Variants in CCDC180 observed in about 807,000 individuals in gnomAD.
The protein encoded by CCDC180 is coiled-coil domain containing 180.
Under a neutral mutation model 209.2 loss-of-function variants are expected in CCDC180, and 154 were observed. The observed-to-expected ratio is 0.74, with a 90% CI of 0.65 to 0.84. The LOEUF (loss-of-function observed/expected upper bound fraction) is 0.84, where lower values mean the gene tolerates loss of function less well. Ranked by LOEUF, CCDC180 falls within the 40% of genes least tolerant of loss-of-function variation. The pLI is 0.00. For synonymous variants in CCDC180, 778 were observed against 749.1 expected (o/e 1.04, Z -0.63); for missense variants, 1,874 against 1,997.3 (o/e 0.94, Z 1.18).
In CCDC180 at chr9:97,371,640, A is replaced by G. The variant is rs761387378; in HGVS notation, c.4534A>G (p.Thr1512Ala). The change falls in exon 34 of 37, where the codon ACC becomes GCC. Residue 1512 changes from threonine to alanine, a missense_variant. By Grantham distance (58) the Thr-to-Ala change is moderately conservative. Transcript: ENST00000529487. Reference sequence around the variant, plus strand: ...CCAGGTTTTCATAACCAACTTGGCCACCTTCACCGAGAAGTTCCTACTGCA... The same window carrying G: ...CCAGGTTTTCATAACCAACTTGGCCGCCTTCACCGAGAAGTTCCTACTGCA... The part of the protein sequence containing the change: ...NGQVFITNLA[T>A]FTEKFLLQLD... The G allele has an allele frequency of 6.2e-7, 1 of 1,608,624 alleles. No individual in the cohort carries two copies. Among genetic ancestry groups the G allele is most frequent in the Non-Finnish European group, 8.5e-7 (1 of 1,175,546 alleles).
Position 97,376,930 on chromosome 9 carries a change from C to T in CCDC180, c.*36C>T, listed in dbSNP as rs1225416380. Reference sequence around the variant, plus strand: ...CACCATGAATAAACACTTTCTTATACAGACTCCTTCCCTGTCCATCTACCT... The same window carrying T: ...CACCATGAATAAACACTTTCTTATATAGACTCCTTCCCTGTCCATCTACCT... On this transcript the variant is annotated 3_prime_UTR_variant, in exon 37 of 37. Transcript: ENST00000529487. 1.9e-6 allele frequency: 3 copies of T among 1,591,444 alleles called. No individual in the cohort carries two copies. The highest frequency in any genetic ancestry group is 8.5e-7 in the Non-Finnish European group (1 of 1,170,742).
Position 97,361,917 on chromosome 9 carries a change from C to T in CCDC180, c.3656+19C>T, listed in dbSNP as rs573637246. 6.2e-7 allele frequency: 1 copy of T among 1,610,078 alleles called. No homozygotes were observed. The highest frequency in any genetic ancestry group is 1.1e-5 in the South Asian group (1 of 90,746). On this transcript the variant is annotated intron_variant, in intron 27 of 36. Coordinates refer to ENST00000529487, the MANE Select transcript of CCDC180 (RefSeq NM_020893.6). Reference sequence around the variant, plus strand: ...TCCTGCAGTGAGTGGCCCCAGGGTGCACCTAAGGCTCTGCCACCCCTGCCC... The same window carrying T: ...TCCTGCAGTGAGTGGCCCCAGGGTGTACCTAAGGCTCTGCCACCCCTGCCC...
rs3052473 is a variant in CCDC180 at position 97,352,114 on chromosome 9, A to AAACAACAACAAC, written c.3002+1580_3002+1591dup. Among the ~76,000 whole-genome samples, 115 of 150,530 alleles carry AAACAACAACAAC rather than the reference A, an allele frequency of 7.6e-4. 2 individuals are homozygous for AAACAACAACAAC. Among genetic ancestry groups the AAACAACAACAAC allele is most frequent in the South Asian group, 5.3e-3 (25 of 4,726 alleles). On this transcript the variant is annotated intron_variant, in intron 22 of 36. Coordinates refer to ENST00000529487, the MANE Select transcript of CCDC180 (RefSeq NM_020893.6). ...GGAGACAGAGTGAGATTCCATCTCA[A>AAACAACAACAAC]AACAACAACAACAACAACAACAACA...
At chr9:97,338,261 C>G (rs576152945) in intron 18 of CCDC180, among the ~76,000 whole-genome samples, 41 of 152,288 alleles carry the variant, frequency 2.7e-4, no homozygotes, top group African/African-American at 9.4e-4. Flanking sequence ...GTTAGGGTGT[C>G]AATTTTAGAT....
chr9:97,371,907 G>T, intron 34 of CCDC180: 1 of 421,846 alleles, frequency 2.4e-6, no homozygotes, highest in Non-Finnish European at 4.3e-6. Flanking sequence ...TATAAAAAAT[G>T]AAACCCTATT....
intron 14 of CCDC180, 145 bp from the exon 15 acceptor site, chr9:97,326,409 G>A (rs1372895348): frequency 3.1e-6 from 2 of 653,502 alleles, no homozygotes; most frequent in African/African-American, 1.8e-5. Context: ...GTGGCAGATT[G>A]GGTACCCCAT....
At chr9:97,363,758 G>C (rs985396353) in intron 28 of CCDC180, 2 of 526,264 alleles carry the variant, frequency 3.8e-6, no homozygotes, top group South Asian at 2.1e-5. Context: ...TCCTCATCAC[G>C]GGGAAGCAGG....
chr9:97,325,246 A>G (rs1338024358), intron 14 of CCDC180, 54 bp downstream of exon 14: 18 of 1,514,528 alleles, frequency 1.2e-5, no homozygotes, highest in Non-Finnish European at 1.4e-5. Context: ...CAATGAACTC[A>G]AACAGATCCT....
chr9:97,309,436 C>T lies in CCDC180; in HGVS notation c.92C>T (p.Ala31Val), dbSNP rs774886818. 27 of 1,600,478 alleles carry T rather than the reference C, an allele frequency of 1.7e-5. 1 individual carries two copies. Among genetic ancestry groups the T allele is most frequent in the South Asian group, 3.4e-5 (3 of 88,768 alleles). Residue 31 changes from alanine to valine, a missense_variant, in exon 3 of 37, where the codon GCG (alanine) becomes GTG (valine). Physicochemically the swap from Ala to Val is moderately conservative, Grantham distance 64 (BLOSUM62 0). Transcript: ENST00000529487. The part of the protein sequence containing the change: ...QAEVQLVHSL[A>V]ATRKRAAERS... ...CAGGTGCAGCTGGTCCACTCCCTGG[C>T]GGCCACCAGGAAGCGGGCTGCAGAG...
chr9:97,326,083 C>T (rs1036384736), intron 14 of CCDC180, among the ~76,000 whole-genome samples: 2 of 152,180 alleles, frequency 1.3e-5, no homozygotes, highest in African/African-American at 4.8e-5. Flanking sequence ...AAATTGTGCA[C>T]GTGTTGGGAA....
At chr9:97,348,182 A>G (rs1280721578) in intron 20 of CCDC180, among the ~76,000 whole-genome samples, 3 of 151,752 alleles carry the variant, frequency 2.0e-5, no homozygotes, top group African/African-American at 7.3e-5. Flanking sequence ...CACCCAAATT[A>G]TACTCCAACT....
At chr9:97,345,240 G>A (rs1826217232) in intron 19 of CCDC180, among the ~76,000 whole-genome samples, 2 of 152,164 alleles carry the variant, frequency 1.3e-5, no homozygotes, top group Non-Finnish European at 2.9e-5. Context: ...GACTCACAGA[G>A]TGTGTGTGTC....
intron 11 of CCDC180, among the ~76,000 whole-genome samples, chr9:97,321,641 C>A (rs537592964): frequency 4.6e-5 from 7 of 152,318 alleles, no homozygotes; most frequent in African/African-American, 1.7e-4. Flanking sequence ...TTGTGCTGGG[C>A]CCTGGCATTC....
rs769640834 is a variant in CCDC180 at position 97,328,099 on chromosome 9, A to G, written c.1741A>G (p.Ser581Gly). 3 of 1,614,096 alleles carry G rather than the reference A, an allele frequency of 1.9e-6. No individual in the cohort carries two copies. Among genetic ancestry groups the G allele is most frequent in the Non-Finnish European group, 2.5e-6 (3 of 1,179,976 alleles). ...CATGCTGAAAGAACTCAACTCCTAC[A>G]GCTCTGCCCTCAGCCAATACTTCTT... ...AIMLKELNSY[S>G]SALSQYFFVR... The change falls in exon 16 of 37, where the codon AGC becomes GGC. Residue 581 changes from serine to glycine, a missense_variant. Physicochemically the swap from Ser to Gly is moderately conservative, Grantham distance 56 (BLOSUM62 0). Transcript: ENST00000529487.
chr9:97,326,721 T>G, intron 15 of CCDC180, 52 bp downstream of exon 15: 1 of 1,166,996 alleles, frequency 8.6e-7, no homozygotes, highest in East Asian at 2.3e-5. Context: ...GAATTCATCT[T>G]CAAGGTCAAG....
chr9:97,307,357 T>C (rs1832823875), upstream of CCDC180: 2 of 491,836 alleles, frequency 4.1e-6, no homozygotes, highest in Admixed American at 2.3e-5. Flanking sequence ...GGACCGGCCC[T>C]GGCTGCCTTG....
chr9:97,336,835 TC>T (rs1190149087), intron 18 of CCDC180, among the ~76,000 whole-genome samples: 1 of 152,236 alleles, frequency 6.6e-6, no homozygotes, highest in Non-Finnish European at 1.5e-5. Context: ...CTCTTTTATT[TC>T]TTTGAGCAGT....
At chr9:97,361,321 G>A (rs72749647) in intron 26 of CCDC180, among the ~76,000 whole-genome samples, 3,034 of 152,290 alleles carry the variant, frequency 0.02, 47 homozygotes, top group Non-Finnish European at 0.031. Context: ...TCTCACAGAA[G>A]ATACTGGAAC....
chr9:97,355,143 C>T, intron 24 of CCDC180, 135 bp downstream of exon 24: 1 of 634,100 alleles, frequency 1.6e-6, no homozygotes, highest in Non-Finnish European at 2.8e-6. Flanking sequence ...AAGACAGACA[C>T]AATCTTTTTT....
Sources: gnomAD v4.1 joint callset for allele counts (sites outside exome capture counted in the v4.1 genomes callset) on GRCh38, gnomAD v4.1.1 for gene constraint, MANE v1.5 for transcripts, NCBI Gene and HGNC (gene_info 2026-07-23, HGNC 2026-07-21) for gene names.